SAMHD1: variants seen among roughly 807,000 people sequenced by gnomAD.
The protein encoded by SAMHD1 is SAM and HD domain containing deoxynucleoside triphosphate triphosphohydrolase 1.
A neutral mutation model predicts 79.6 loss-of-function variants in SAMHD1; 54 were observed. The ratio of observed to expected loss-of-function variants is 0.68; its 90% CI spans 0.55 to 0.85. The LOEUF (loss-of-function observed/expected upper bound fraction) is 0.85, where lower values mean the gene tolerates loss of function less well. Ranked by LOEUF, SAMHD1 falls within the 40% of genes least tolerant of loss-of-function variation. The pLI, the probability that SAMHD1 is intolerant of heterozygous loss-of-function variation, is 0.00. For missense variants in SAMHD1, 663 were observed against 782.7 expected (o/e 0.85, Z 1.82); for synonymous variants, 260 against 264.1 (o/e 0.98, Z 0.15).
chr20:36,924,019 C>T (rs1017433371), intron 6 of SAMHD1, among the ~76,000 whole-genome samples: 13 of 152,080 alleles, frequency 8.5e-5, no homozygotes, highest in South Asian at 2.1e-4. Context: ...GGAGGCCAAG[C>T]GGGGCAGATA....
chr20:36,935,265 T>C, intron 3 of SAMHD1, 76 bp from the exon 4 acceptor site: 7 of 1,189,532 alleles, frequency 5.9e-6, no homozygotes, highest in Non-Finnish European at 8.7e-6. Context: ...CATTCCTAAT[T>C]ATAGTGCAAA....
chr20:36,899,257 T>TAA (rs34443478), intron 13 of SAMHD1, among the ~76,000 whole-genome samples: 149 of 108,578 alleles, frequency 1.4e-3, no homozygotes, highest in African/African-American at 2.1e-3. Context: ...CCAAAAATAC[T>TAA]AAAAAAAAAA....
chr20:36,931,087 T>A, intron 4 of SAMHD1: 1 of 584,230 alleles, frequency 1.7e-6, no homozygotes, highest in East Asian at 3.1e-5. Context: ...ATTAGAGGAA[T>A]GCACATCAAA....
chr20:36,890,155 A>G (rs1990025653), downstream of SAMHD1: 1 of 152,236 alleles, frequency 6.6e-6, no homozygotes, highest in Non-Finnish European at 1.5e-5. Flanking sequence ...GTATGAAAGG[A>G]GTAAATGAGT....
chr20:36,897,750 A>G (rs1758458769), intron 15 of SAMHD1, 72 bp downstream of exon 15: 2 of 1,545,766 alleles, frequency 1.3e-6, no homozygotes. Context: ...ACTTTTCAGC[A>G]GATAGACTTA....
intron 2 of SAMHD1, among the ~76,000 whole-genome samples, chr20:36,945,507 T>C (rs1389373357): frequency 6.6e-6 from 1 of 152,236 alleles, no homozygotes. Context: ...TCCCAGTGTG[T>C]ATAATTCAAT....
At chr20:36,893,220 CTGTG>C in intron 15 of SAMHD1, 154 bp from the exon 16 acceptor site, 1 of 902,832 alleles carries the variant, frequency 1.1e-6, no homozygotes, top group Non-Finnish European at 1.7e-6. Flanking sequence ...TACATATGCC[CTGTG>C]CTTGGGGCAA....
At chr20:36,931,386 A>T (rs1340237685) in intron 4 of SAMHD1, among the ~76,000 whole-genome samples, 4 of 152,350 alleles carry the variant, frequency 2.6e-5, no homozygotes, top group African/African-American at 9.6e-5. Context: ...CTGTAATCCC[A>T]GCACTTTGGG....
intron 13 of SAMHD1, among the ~76,000 whole-genome samples, chr20:36,902,725 A>G (rs967484296): frequency 1.3e-5 from 2 of 151,784 alleles, no homozygotes; most frequent in Non-Finnish European, 2.9e-5. Context: ...GAATTACTGT[A>G]TCACGTTATC....
Position 36,893,009 on chromosome 20 carries a change from T to C in SAMHD1, c.1804A>G (p.Thr602Ala), listed in dbSNP as rs1311720542. ...AGGCGAGTTGGATTTTGGACTGAAG[T>C]ACTGTCGTTCCATTCCTTTTTTTGA... is the stretch of plus-strand genomic sequence containing the variant. ...TPQKKEWNDSTSVQNPTRLRE... is the reference protein window; with the variant it reads ...TPQKKEWNDSASVQNPTRLRE... Residue 602 changes from threonine (T) to alanine (A), a missense_variant, in exon 16 of 16, where the codon ACT (threonine) becomes GCT (alanine). Transcript: ENST00000646673. 7 of 1,613,986 alleles carry C rather than the reference T, an allele frequency of 4.3e-6. No individual in the cohort carries two copies. Among genetic ancestry groups the C allele is most frequent in the African/African-American group, 1.3e-5 (1 of 74,908 alleles).
At chr20:36,950,343 G>A (rs1379238248) in intron 1 of SAMHD1, among the ~76,000 whole-genome samples, 2 of 150,624 alleles carry the variant, frequency 1.3e-5, no homozygotes, top group African/African-American at 4.9e-5. Flanking sequence ...AAAAAAAAAA[G>A]GAGAAATGCA....
At chr20:36,920,341 C>T (rs1324282950) in intron 6 of SAMHD1, among the ~76,000 whole-genome samples, 1 of 152,064 alleles carries the variant, frequency 6.6e-6, no homozygotes, top group South Asian at 2.1e-4. Flanking sequence ...GTCTTGAACT[C>T]CTAGGCTCAA....
intron 2 of SAMHD1, 138 bp downstream of exon 2, chr20:36,946,600 A>C: frequency 1.5e-6 from 1 of 662,518 alleles, no homozygotes; most frequent in Non-Finnish European, 2.7e-6. Flanking sequence ...CAAAACCAGC[A>C]GGCAAGGGAT....
chr20:36,891,704 T>G lies in SAMHD1; in HGVS notation c.*1228A>C, dbSNP rs1456492804. The G allele has an allele frequency of 6.6e-6, 1 of 152,200 alleles. No individual in the cohort carries two copies. Among genetic ancestry groups the G allele is most frequent in the East Asian group, 1.9e-4 (1 of 5,198 alleles). The allele number at this position is 152,200 out of a possible 1,614,324, so 9.4% of individuals were successfully genotyped here. A position where few individuals can be genotyped will look rare whatever the true frequency, so the allele number is the denominator to read the frequency against. ...AGTGCAGTGTTTGTGCTTTTTTTTT[T>G]GGAGATGGAGTCTCACTCTGTCACC... On this transcript the variant is annotated 3_prime_UTR_variant, in exon 16 of 16. Transcript: ENST00000646673.
intron 6 of SAMHD1, among the ~76,000 whole-genome samples, chr20:36,921,412 A>AG (rs1555834619): frequency 6.6e-6 from 1 of 151,146 alleles, no homozygotes; most frequent in African/African-American, 2.4e-5. Context: ...AAAAAAAAAA[A>AG]CGAATTGAAT....
intron 10 of SAMHD1, 54 bp from the exon 11 acceptor site, chr20:36,911,387 T>C (rs2063439538): frequency 9.1e-7 from 1 of 1,093,346 alleles, no homozygotes; most frequent in Admixed American, 1.7e-5. Context: ...AATATTTGCC[T>C]TATGTCTTAC....
chr20:36,947,549 G>GGGGT (rs368667679), intron 1 of SAMHD1, among the ~76,000 whole-genome samples: 1 of 60,740 alleles, frequency 1.6e-5, no homozygotes, highest in Non-Finnish European at 3.6e-5. Context: ...ATTTGGAAGA[G>GGGGT]GGGTGTGTGT....
chr20:36,903,041 CA>C (rs1298106628), intron 13 of SAMHD1, among the ~76,000 whole-genome samples: 6 of 152,046 alleles, frequency 3.9e-5, no homozygotes, highest in African/African-American at 1.4e-4. Flanking sequence ...ACTCGGCCTA[CA>C]CGTGGAGAGA....
Position 36,916,942 on chromosome 20 carries a change from T to C in SAMHD1, c.953+7A>G, listed in dbSNP as rs1472597876. ...TAGCCAACTTTTCAGAAGTGTTCAG[T>C]GCATACCTGGCAAAATAATCCCATT... On this transcript the variant is annotated splice_region_variant and intron_variant, in intron 8 of 15. Coordinates refer to ENST00000646673, the MANE Select transcript of SAMHD1 (RefSeq NM_015474.4). 1.9e-6 allele frequency: 3 copies of C among 1,605,006 alleles called. No individual in the cohort carries two copies. In the South Asian group the frequency reaches 3.3e-5, roughly 18 times the overall value.
Sources: allele counts gnomAD v4.1 joint callset (sites outside exome capture counted in the v4.1 genomes callset), GRCh38; gene constraint gnomAD v4.1.1; transcripts MANE v1.5; gene names NCBI Gene and HGNC (gene_info 2026-07-23, HGNC 2026-07-21).